Variants in NRG3 observed in about 807,000 individuals in gnomAD.
NRG3 encodes pro-neuregulin-3, membrane-bound isoform.
In NRG3, 31 loss-of-function variants were observed where a neutral mutation model predicts 66.9. The observed-to-expected ratio is 0.46, with a 90% CI of 0.35 to 0.63. The LOEUF is 0.63. Among genes scored for constraint, NRG3 ranks in the 20% least tolerant of loss-of-function variants. The probability of loss-of-function intolerance (pLI) is 0.00; values close to 1 mark genes in which losing one functional copy is unlikely to be tolerated. For missense variants in NRG3, 910 were observed against 878.9 expected, an observed-to-expected ratio of 1.04 and a Z score of -0.45; for synonymous variants, 393 against 359.4, an observed-to-expected ratio of 1.09 and a Z score of -1.06.
At chr10:82,771,127 G>A (rs77897431) in intron 3 of NRG3, among the ~76,000 whole-genome samples, 1,770 of 152,166 alleles carry the variant, frequency 0.012, 32 homozygotes, top group African/African-American at 0.041. Context: ...GAAGCAAAGG[G>A]TGCCAGGCAG....
chr10:82,608,702 G>A (rs2048119073), intron 2 of NRG3, among the ~76,000 whole-genome samples: 1 of 152,138 alleles, frequency 6.6e-6, no homozygotes, highest in African/African-American at 2.4e-5. Flanking sequence ...GCTGGAGGGA[G>A]CTGGAGTTGG....
intron 3 of NRG3, among the ~76,000 whole-genome samples, chr10:82,781,151 T>C (rs1020255440): frequency 2.6e-5 from 4 of 152,184 alleles, no homozygotes; most frequent in Non-Finnish European, 5.9e-5. Context: ...TTAACCAGTC[T>C]ACCTTCCTCT....
intron 4 of NRG3, among the ~76,000 whole-genome samples, chr10:82,907,418 T>G (rs986627750): frequency 6.6e-6 from 1 of 152,216 alleles, no homozygotes. Flanking sequence ...TGGATTCTAT[T>G]GTAGTCTCCT....
At chr10:82,778,644 A>T (rs1353148646) in intron 3 of NRG3, among the ~76,000 whole-genome samples, 4 of 152,318 alleles carry the variant, frequency 2.6e-5, no homozygotes, top group African/African-American at 9.6e-5. Context: ...CAACCAAATC[A>T]TATCAATTGA....
intron 8 of NRG3, among the ~76,000 whole-genome samples, chr10:82,981,989 A>G (rs207471210): frequency 7.9e-5 from 12 of 152,222 alleles, no homozygotes; most frequent in Admixed American, 6.5e-5. Flanking sequence ...TAAGGATATC[A>G]GAGTTTAAAT....
At chr10:82,946,403 G>A (rs1472063142) in intron 4 of NRG3, among the ~76,000 whole-genome samples, 3 of 151,930 alleles carry the variant, frequency 2.0e-5, no homozygotes, top group Admixed American at 1.3e-4. Flanking sequence ...GCTGGGCATG[G>A]TGGCACGCAC....
intron 1 of NRG3, among the ~76,000 whole-genome samples, chr10:81,896,215 G>C (rs1008527125): frequency 6.6e-6 from 1 of 152,036 alleles, no homozygotes; most frequent in Non-Finnish European, 1.5e-5. Context: ...ATGCCCTTTC[G>C]ATATGATTGC....
chr10:82,472,308 G>C (rs555265932), intron 2 of NRG3, among the ~76,000 whole-genome samples: 89 of 152,286 alleles, frequency 5.8e-4, no homozygotes, highest in African/African-American at 2.1e-3. Context: ...TGGAGATACA[G>C]CAAGGAAGCC....
At chr10:82,303,128 C>T (rs1258233973) in intron 1 of NRG3, among the ~76,000 whole-genome samples, 7 of 152,162 alleles carry the variant, frequency 4.6e-5, no homozygotes, top group Non-Finnish European at 8.8e-5. Flanking sequence ...AAGGCTGTTT[C>T]TCCCACTCAA....
chr10:82,495,353 A>T (rs563543625), intron 2 of NRG3, among the ~76,000 whole-genome samples: 9 of 152,214 alleles, frequency 5.9e-5, no homozygotes, highest in African/African-American at 2.2e-4. Flanking sequence ...AGGATTTTTC[A>T]TTGAGAAAAG....
intron 1 of NRG3, among the ~76,000 whole-genome samples, chr10:82,339,905 G>C (rs886815894): frequency 6.6e-6 from 1 of 151,934 alleles, no homozygotes; most frequent in Non-Finnish European, 1.5e-5. Context: ...ATCTAGGGTG[G>C]GGGCTGGAGA....
At chr10:82,133,177 T>C (rs998318841) in intron 1 of NRG3, among the ~76,000 whole-genome samples, 2 of 152,158 alleles carry the variant, frequency 1.3e-5, no homozygotes, top group African/African-American at 2.4e-5. Context: ...TTTTCTACTT[T>C]TTTGATGTAG....
chr10:82,094,623 G>T (rs1032081388), intron 1 of NRG3, among the ~76,000 whole-genome samples: 1 of 152,156 alleles, frequency 6.6e-6, no homozygotes, highest in Non-Finnish European at 1.5e-5. Flanking sequence ...AAGAAAATGT[G>T]ATGTGTGTAT....
At chr10:81,994,952 C>A (rs1429245579) in intron 1 of NRG3, among the ~76,000 whole-genome samples, 1 of 151,722 alleles carries the variant, frequency 6.6e-6, no homozygotes, top group African/African-American at 2.4e-5. Flanking sequence ...TCATTTTTTT[C>A]TATGGTAACT....
chr10:82,641,313 G>A (rs1191105895), intron 2 of NRG3, among the ~76,000 whole-genome samples: 5 of 151,944 alleles, frequency 3.3e-5, no homozygotes, highest in Admixed American at 1.3e-4. Flanking sequence ...TGATCTGTGC[G>A]CTTGTGTATG....
intron 2 of NRG3, among the ~76,000 whole-genome samples, chr10:82,496,339 A>G (rs573212316): frequency 6.6e-6 from 1 of 152,164 alleles, no homozygotes; most frequent in Non-Finnish European, 1.5e-5. Context: ...TAATAACACC[A>G]CTGTAATCTG....
intron 2 of NRG3, among the ~76,000 whole-genome samples, chr10:82,576,156 T>C (rs2046018247): frequency 6.6e-6 from 1 of 151,714 alleles, no homozygotes; most frequent in African/African-American, 2.4e-5. Context: ...CTTTTTCTCC[T>C]CTGTTTTGTT....
In NRG3 at chr10:82,441,392, G is replaced by A. The variant is rs541724681; in HGVS notation, c.953+82524G>A. Among the ~76,000 whole-genome samples, 18 of 152,270 alleles carry A rather than the reference G, an allele frequency of 1.2e-4. No individual in the cohort carries two copies. In the South Asian group the frequency reaches 1.9e-3, roughly 16 times the overall value. ...ATGATTTGCGAGTCAACTGTACTGC[G>A]GTAGAAACAACATTGGGTTTCATGT... On this transcript the variant is annotated intron_variant, in intron 2 of 8. Transcript: ENST00000372141.
intron 4 of NRG3, among the ~76,000 whole-genome samples, chr10:82,942,339 G>T (rs1848649929): frequency 6.6e-6 from 1 of 152,138 alleles, no homozygotes; most frequent in African/African-American, 2.4e-5. Flanking sequence ...TTTCTACGTA[G>T]TACAGCTTAA....
Sources: allele counts gnomAD v4.1 joint callset (sites outside exome capture counted in the v4.1 genomes callset), GRCh38; gene constraint gnomAD v4.1.1; transcripts MANE v1.5; gene names NCBI Gene and HGNC (gene_info 2026-07-23, HGNC 2026-07-21).